The following IRAK1BP1 variants were observed in gnomAD, a reference collection of about 807,000 sequenced individuals.
The protein encoded by IRAK1BP1 is interleukin 1 receptor associated kinase 1 binding protein 1.
IRAK1BP1 carries 24 observed loss-of-function variants against 28.0 expected under a neutral mutation model. That is an observed-to-expected ratio of 0.86 (90% CI 0.62 to 1.20). The LOEUF is 1.20. IRAK1BP1 is among the 50% of genes most tolerant of loss of function. IRAK1BP1 has a pLI of 0.00. For missense variants in IRAK1BP1, 336 were observed against 316.7 expected, an observed-to-expected ratio of 1.06 and a Z score of -0.46; for synonymous variants, 131 against 116.3, an observed-to-expected ratio of 1.13 and a Z score of -0.81.
rs58937738 is a variant in IRAK1BP1, at chr6:78,898,411, A to AATATATATATATATATAT, written c.*94_*111dup. ...TTTTATAATGTTTACGTTTGTCCTG[A>AATATATATATATATATAT]ATATATATATATATATATATATATA... On this transcript the variant is annotated 3_prime_UTR_variant, in exon 4 of 4. Coordinates refer to ENST00000369940, the MANE Select transcript of IRAK1BP1 (RefSeq NM_001010844.4). 1,144 of 86,306 alleles carry AATATATATATATATATAT rather than the reference A, an allele frequency of 0.013. 110 individuals are homozygous for AATATATATATATATATAT. Among genetic ancestry groups the AATATATATATATATATAT allele is most frequent in the Non-Finnish European group, 0.017 (835 of 48,926 alleles). The allele number at this position is 86,306 out of a possible 1,614,324, so 5.3% of individuals were successfully genotyped here.
At chr6:78,937,782 G>C (rs1467283787) in intron 4 of IRAK1BP1, 3 of 151,778 alleles carry the variant, frequency 2.0e-5, no homozygotes, top group Non-Finnish European at 4.4e-5. Context: ...GCCCAGGGCT[G>C]TGAGTCTCTG....
chr6:78,888,024 TA>T (rs34228023), intron 2 of IRAK1BP1, among the ~76,000 whole-genome samples: 8 of 151,680 alleles, frequency 5.3e-5, no homozygotes, highest in East Asian at 1.9e-4. Flanking sequence ...TATTTAGCCT[TA>T]AAAAAAAGGG....
At chr6:78,943,299 C>A (rs1200762774) in intron 4 of IRAK1BP1, among the ~76,000 whole-genome samples, 4 of 151,984 alleles carry the variant, frequency 2.6e-5, no homozygotes, top group African/African-American at 9.7e-5. Flanking sequence ...AATGATATTT[C>A]TATACAGTAC....
chr6:78,914,088 A>G (rs1209209026), intron 4 of IRAK1BP1, among the ~76,000 whole-genome samples: 1 of 152,192 alleles, frequency 6.6e-6, no homozygotes, highest in East Asian at 1.9e-4. Context: ...TAACCATTCC[A>G]CTAAATTAAA....
downstream of IRAK1BP1, among the ~76,000 whole-genome samples, chr6:78,949,039 G>C (rs990387982): frequency 5.9e-5 from 9 of 152,112 alleles, no homozygotes; most frequent in Admixed American, 3.3e-4. Flanking sequence ...GCAGTGGTGA[G>C]AGTGAACATT....
At chr6:78,868,223 A>G (rs1349139515) in intron 1 of IRAK1BP1, among the ~76,000 whole-genome samples, 1 of 152,242 alleles carries the variant, frequency 6.6e-6, no homozygotes, top group East Asian at 1.9e-4. Context: ...TGTTAGTTGT[A>G]AATACTTGCC....
At chr6:78,872,918 T>C (rs1770839889) in intron 1 of IRAK1BP1, among the ~76,000 whole-genome samples, 1 of 152,092 alleles carries the variant, frequency 6.6e-6, no homozygotes, top group Non-Finnish European at 1.5e-5. Flanking sequence ...ATTTTTCTAT[T>C]GTCTTTACCT....
At chr6:78,870,897 G>A (rs572055578) in intron 1 of IRAK1BP1, among the ~76,000 whole-genome samples, 2 of 152,136 alleles carry the variant, frequency 1.3e-5, no homozygotes, top group African/African-American at 4.8e-5. Context: ...GTTTAGTAGA[G>A]ATGGGGTTTC....
chr6:78,938,516 A>G (rs563453157), intron 4 of IRAK1BP1: 2 of 151,774 alleles, frequency 1.3e-5, no homozygotes, highest in East Asian at 3.9e-4. Flanking sequence ...GAAATTACAT[A>G]TTTCAAATAG....
chr6:78,878,282 T>A (rs924208063), intron 1 of IRAK1BP1, among the ~76,000 whole-genome samples: 1 of 152,026 alleles, frequency 6.6e-6, no homozygotes. Flanking sequence ...TCAGAGGGTG[T>A]CCATCTGAGA....
At chr6:78,893,314 GTATA>G (rs60728695) in intron 2 of IRAK1BP1, among the ~76,000 whole-genome samples, 4,940 of 103,316 alleles carry the variant, frequency 0.048, 140 homozygotes, top group South Asian at 0.078. Context: ...GTGTGTGTGT[GTATA>G]TATATATATA....
chr6:78,904,682 C>A (rs1054337541), downstream of IRAK1BP1, among the ~76,000 whole-genome samples: 1 of 152,082 alleles, frequency 6.6e-6, no homozygotes, highest in Non-Finnish European at 1.5e-5. Context: ...TATAACAATT[C>A]AGATAAATCA....
At chr6:78,923,345 T>C (rs183053914) in intron 4 of IRAK1BP1, among the ~76,000 whole-genome samples, 13 of 151,870 alleles carry the variant, frequency 8.6e-5, no homozygotes, top group Non-Finnish European at 1.3e-4. Flanking sequence ...ATGGTAAAGG[T>C]ATCAATTCAA....
downstream of IRAK1BP1, among the ~76,000 whole-genome samples, chr6:78,904,351 C>T (rs958350246): frequency 1.3e-5 from 2 of 152,152 alleles, no homozygotes; most frequent in Non-Finnish European, 2.9e-5. Flanking sequence ...CCTATTGCCA[C>T]TGAGGGTGAT....
the IRAK1BP1 span, among the ~76,000 whole-genome samples, chr6:78,952,682 T>C: frequency 1.3e-5 from 2 of 152,162 alleles, no homozygotes; most frequent in Admixed American, 1.3e-4. Context: ...TTTTTAAAAC[T>C]GTCCAGTAAG....
intron 4 of IRAK1BP1, among the ~76,000 whole-genome samples, chr6:78,916,919 G>T (rs1772575639): frequency 6.6e-6 from 1 of 152,024 alleles, no homozygotes; most frequent in South Asian, 2.1e-4. Flanking sequence ...ACTCCAGCCT[G>T]GTCAATAGAG....
chr6:78,945,429 T>A, exon 5 of IRAK1BP1: 1 of 1,611,308 alleles, frequency 6.2e-7, no homozygotes, highest in Non-Finnish European at 8.5e-7. Flanking sequence ...GTGCCATGAC[T>A]AAAACTGGAT....
At chr6:78,949,440 T>A (rs1774016726), downstream of IRAK1BP1, among the ~76,000 whole-genome samples, 1 of 152,110 alleles carries the variant, frequency 6.6e-6, no homozygotes, top group Non-Finnish European at 1.5e-5. Context: ...TTCCCTGTTT[T>A]AAATCATCTC....
chr6:78,934,912 C>T (rs1235538510), intron 4 of IRAK1BP1, among the ~76,000 whole-genome samples: 2 of 152,142 alleles, frequency 1.3e-5, no homozygotes, highest in Non-Finnish European at 2.9e-5. Flanking sequence ...CATTGAATGA[C>T]TTCCACCATT....
Sources: allele counts gnomAD v4.1 joint callset (sites outside exome capture counted in the v4.1 genomes callset), GRCh38; gene constraint gnomAD v4.1.1; transcripts MANE v1.5; gene names NCBI Gene and HGNC (gene_info 2026-07-23, HGNC 2026-07-21).